NRG1: variants seen among roughly 807,000 people sequenced by gnomAD.
NRG1 encodes the protein pro-neuregulin-1, membrane-bound isoform.
A neutral mutation model predicts 63.8 loss-of-function variants in NRG1; 18 were observed. The observed-to-expected ratio is 0.28, with a 90% CI of 0.19 to 0.42. NRG1 has a LOEUF of 0.42. Among genes scored for constraint, NRG1 ranks in the 10% least tolerant of loss-of-function variants. The probability of loss-of-function intolerance (pLI) is 1.00; values close to 1 mark genes in which losing one functional copy is unlikely to be tolerated. For synonymous variants in NRG1, 302 were observed against 301.3 expected, an observed-to-expected ratio of 1.00 and a Z score of -0.02; for missense variants, 762 against 814.7, an observed-to-expected ratio of 0.94 and a Z score of 0.79.
At chr8:31,762,377 A>T (rs911093258) in intron 1 of NRG1, among the ~76,000 whole-genome samples, 1 of 152,190 alleles carries the variant, frequency 6.6e-6, no homozygotes, top group Non-Finnish European at 1.5e-5. Flanking sequence ...ACATTATCTC[A>T]TTCCTTTTTA....
At chr8:31,773,105 AG>A (rs35593263) in intron 1 of NRG1, among the ~76,000 whole-genome samples, 1 of 152,174 alleles carries the variant, frequency 6.6e-6, no homozygotes, top group South Asian at 2.1e-4. Flanking sequence ...TTAAAAGTTT[AG>A]GGTTGTGGAA....
chr8:31,828,784 C>T (rs1054955019), intron 1 of NRG1, among the ~76,000 whole-genome samples: 2 of 152,238 alleles, frequency 1.3e-5, no homozygotes, highest in African/African-American at 4.8e-5. Context: ...ATCCACTCCC[C>T]TTCCTAATCT....
At chr8:32,264,100 T>C (rs1057356922) in intron 1 of NRG1, among the ~76,000 whole-genome samples, 1 of 152,136 alleles carries the variant, frequency 6.6e-6, no homozygotes, top group African/African-American at 2.4e-5. Context: ...ATACAGGTAA[T>C]AAAGGTTTGT....
chr8:32,411,634 T>G (rs988039297), intron 1 of NRG1, among the ~76,000 whole-genome samples: 1 of 152,210 alleles, frequency 6.6e-6, no homozygotes, highest in Non-Finnish European at 1.5e-5. Flanking sequence ...TGCTAAGCTA[T>G]GTAAATACAG....
intron 1 of NRG1, among the ~76,000 whole-genome samples, chr8:32,095,231 C>G (rs1328693047): frequency 6.6e-6 from 1 of 152,090 alleles, no homozygotes; most frequent in East Asian, 1.9e-4. Context: ...TTTTTGATGT[C>G]AGTTATGGGT....
chr8:32,111,266 G>A (rs188108325), intron 1 of NRG1, among the ~76,000 whole-genome samples: 11 of 152,070 alleles, frequency 7.2e-5, no homozygotes, highest in South Asian at 2.1e-4. Context: ...ACAGGGGCCC[G>A]CCAGAGTTTC....
intron 1 of NRG1, among the ~76,000 whole-genome samples, chr8:32,220,581 G>T (rs894437660): frequency 6.6e-6 from 1 of 152,096 alleles, no homozygotes; most frequent in African/African-American, 2.4e-5. Flanking sequence ...AAATAAACAC[G>T]CTGGTTCAAA....
intron 1 of NRG1, among the ~76,000 whole-genome samples, chr8:32,453,947 T>C (rs889912272): frequency 5.9e-5 from 9 of 152,158 alleles, no homozygotes; most frequent in African/African-American, 2.2e-4. Flanking sequence ...ACCTCAATCT[T>C]TTCCATGGTG....
chr8:32,091,634 C>T (rs1460733599), intron 1 of NRG1, among the ~76,000 whole-genome samples: 1 of 152,088 alleles, frequency 6.6e-6, no homozygotes, highest in Non-Finnish European at 1.5e-5. Context: ...GTCATGGGCT[C>T]TACAAGGGCA....
chr8:31,788,127 A>G (rs1336542856), intron 1 of NRG1, among the ~76,000 whole-genome samples: 1 of 152,112 alleles, frequency 6.6e-6, no homozygotes, highest in Non-Finnish European at 1.5e-5. Context: ...CTGTAAAGAT[A>G]TTTACTAACC....
chr8:31,771,963 A>G (rs535438915), intron 1 of NRG1, among the ~76,000 whole-genome samples: 3 of 152,332 alleles, frequency 2.0e-5, no homozygotes, highest in South Asian at 2.1e-4. Flanking sequence ...TTTTCTAGTG[A>G]TACTTACTTT....
At chr8:32,000,561 A>G (rs1051862951) in intron 1 of NRG1, among the ~76,000 whole-genome samples, 1 of 151,850 alleles carries the variant, frequency 6.6e-6, no homozygotes, top group Non-Finnish European at 1.5e-5. Context: ...GCCACCATGC[A>G]CAGACTTATC....
chr8:32,088,734 G>T (rs1328385144), intron 1 of NRG1, among the ~76,000 whole-genome samples: 1 of 151,994 alleles, frequency 6.6e-6, no homozygotes, highest in Non-Finnish European at 1.5e-5. Flanking sequence ...TGGCCAGGAT[G>T]GTCTCAATCT....
intron 1 of NRG1, among the ~76,000 whole-genome samples, chr8:31,811,376 C>T (rs912501166): frequency 2.0e-5 from 3 of 152,206 alleles, no homozygotes; most frequent in Non-Finnish European, 4.4e-5. Flanking sequence ...ATATTAATCC[C>T]ATCTACTTTC....
intron 1 of NRG1, among the ~76,000 whole-genome samples, chr8:32,161,425 C>T (rs1224974648): frequency 2.0e-5 from 3 of 152,082 alleles, no homozygotes; most frequent in African/African-American, 7.2e-5. Flanking sequence ...TACTCATAAA[C>T]CTGAAATGAT....
chr8:31,718,562 A>T (rs1383353265), intron 1 of NRG1, among the ~76,000 whole-genome samples: 1 of 152,218 alleles, frequency 6.6e-6, no homozygotes, highest in Non-Finnish European at 1.5e-5. Flanking sequence ...GTCTTTGTAC[A>T]CAATTGTTTG....
At chr8:31,913,140 A>G (rs981169849) in intron 1 of NRG1, among the ~76,000 whole-genome samples, 2 of 152,202 alleles carry the variant, frequency 1.3e-5, no homozygotes, top group African/African-American at 2.4e-5. Flanking sequence ...TGCTATAGCT[A>G]GAATGGAATA....
intron 1 of NRG1, among the ~76,000 whole-genome samples, chr8:32,364,740 A>C (rs1217995949): frequency 6.6e-6 from 1 of 152,146 alleles, no homozygotes; most frequent in Non-Finnish European, 1.5e-5. Context: ...TTTGCTAGAT[A>C]AAGCTACATT....
chr8:31,680,231 G>A (rs1035816923), intron 1 of NRG1, among the ~76,000 whole-genome samples: 3 of 151,384 alleles, frequency 2.0e-5, no homozygotes, highest in South Asian at 2.1e-4. Context: ...ATGCTGGTGC[G>A]CTGCACCCAC....
Sources: gnomAD v4.1 joint callset for allele counts (sites outside exome capture counted in the v4.1 genomes callset) on GRCh38, gnomAD v4.1.1 for gene constraint, MANE v1.5 for transcripts, NCBI Gene and HGNC (gene_info 2026-07-23, HGNC 2026-07-21) for gene names.